Variants in GNS observed in about 807,000 individuals in gnomAD.
The protein encoded by GNS is N-acetylglucosamine-6-sulfatase.
A neutral mutation model predicts 69.7 loss-of-function variants in GNS; 40 were observed. The ratio of observed to expected loss-of-function variants is 0.57; its 90% CI spans 0.45 to 0.75. The LOEUF (loss-of-function observed/expected upper bound fraction) is 0.75, where lower values mean the gene tolerates loss of function less well. GNS is among the 30% of genes least tolerant of loss of function. The pLI is 0.00. For missense variants in GNS, 565 were observed against 685.5 expected (o/e 0.82, Z 1.96); for synonymous variants, 243 against 251.6 (o/e 0.97, Z 0.32).
At chr12:64,741,341 A>G (rs1000411804) in intron 6 of GNS, among the ~76,000 whole-genome samples, 2 of 151,822 alleles carry the variant, frequency 1.3e-5, no homozygotes, top group Admixed American at 6.6e-5. Context: ...GCTGGAGTAC[A>G]GTGGCACGAT....
chr12:64,744,067 T>C (rs1316838213), intron 5 of GNS, among the ~76,000 whole-genome samples: 1 of 152,218 alleles, frequency 6.6e-6, no homozygotes, highest in Non-Finnish European at 1.5e-5. Context: ...TACTATTCCC[T>C]GACTCTGTAG....
chr12:64,756,938 G>C (rs1870270031), intron 1 of GNS, among the ~76,000 whole-genome samples: 1 of 152,120 alleles, frequency 6.6e-6, no homozygotes, highest in Non-Finnish European at 1.5e-5. Context: ...AGGAGTTCAA[G>C]AGTTCAGGAG....
Position 64,743,932 on chromosome 12 carries a change from C to T in GNS, c.625-624G>A, listed in dbSNP as rs113309495. On this transcript the variant is annotated intron_variant, in intron 5 of 13. Transcript: ENST00000258145. The stretch of plus-strand genomic sequence containing the variant: ...TAGTTTCATGTATTCCCAACACTAA[C>T]TCAACAGATACTGACTGTATCTATC... Among the ~76,000 whole-genome samples the T allele has an allele frequency of 2.2e-4, 33 of 152,310 alleles. 2 individuals carry two copies. The highest frequency in any genetic ancestry group is 7.5e-4 in the African/African-American group (31 of 41,558).
intron 6 of GNS, among the ~76,000 whole-genome samples, chr12:64,741,199 T>C (rs1592502938): frequency 7.4e-5 from 1 of 13,528 alleles, no homozygotes; most frequent in Non-Finnish European, 1.1e-4. Context: ...AGAGCGAGAC[T>C]CCGTCTCAAA....
intron 3 of GNS, 29 bp downstream of exon 3, chr12:64,747,683 T>TA: frequency 8.5e-7 from 1 of 1,173,356 alleles, no homozygotes; most frequent in South Asian, 1.2e-5. Flanking sequence ...AAAGCCATTA[T>TA]AAAAAAAGAA....
At chr12:64,732,453 C>A (rs1869432966) in intron 9 of GNS, among the ~76,000 whole-genome samples, 1 of 149,018 alleles carries the variant, frequency 6.7e-6, no homozygotes, top group African/African-American at 2.5e-5. Flanking sequence ...CAGGTGTGAA[C>A]CACCGCGCCC....
At chr12:64,722,909 C>A in intron 11 of GNS, 97 bp downstream of exon 11, 2 of 788,370 alleles carry the variant, frequency 2.5e-6, no homozygotes, top group African/African-American at 1.7e-5. Flanking sequence ...AGGAACAGGA[C>A]TCAGATGAAA....
At chr12:64,731,823 C>T (rs1043809499) in intron 9 of GNS, among the ~76,000 whole-genome samples, 5 of 152,150 alleles carry the variant, frequency 3.3e-5, no homozygotes, top group African/African-American at 1.2e-4. Context: ...GTAATCCCAG[C>T]ACTTTGGGAG....
At chr12:64,729,572 A>T (rs1869318453) in intron 9 of GNS, among the ~76,000 whole-genome samples, 1 of 152,226 alleles carries the variant, frequency 6.6e-6, no homozygotes, top group South Asian at 2.1e-4. Context: ...ACAGGCTGTG[A>T]AGGCTGCAGA....
rs575740832 is a variant in GNS, at chr12:64,737,145, A to G, written c.995-38T>C. 3.5e-5 allele frequency: 36 copies of G among 1,038,546 alleles called. No individual in the cohort carries two copies. In the African/African-American group the frequency reaches 5.4e-4, roughly 16 times the overall value. The allele number at this position is 1,038,546 out of a possible 1,614,324, so 64.3% of individuals were successfully genotyped here. ...CACACAATGTAAAGATGGAGCCAAG[A>G]CAGGAGCCTTGCTCATGTTATGTTT... On this transcript the variant is annotated intron_variant, in intron 8 of 13. Transcript: ENST00000258145.
At chr12:64,725,751 C>T (rs539401206) in intron 10 of GNS, among the ~76,000 whole-genome samples, 145 of 151,960 alleles carry the variant, frequency 9.5e-4, no homozygotes, top group Admixed American at 4.3e-3. Flanking sequence ...AATCCCAGCA[C>T]TTTAGGAGGC....
rs770181525 is a variant in GNS, at chr12:64,720,118, A to G, written c.1484T>C (p.Ile495Thr). The G allele has an allele frequency of 5.6e-6, 9 of 1,605,940 alleles. No individual in the cohort carries two copies. The highest frequency in any genetic ancestry group is 7.7e-6 in the Non-Finnish European group (9 of 1,172,630). The change falls in exon 13 of 14, where the codon ATA (isoleucine) becomes ACA (threonine). Residue 495 changes from isoleucine (I) to threonine (T), a missense_variant. Ile to Thr is a moderately conservative substitution (Grantham distance 89). This residue lies in a region of GNS where 384 missense variants were observed against 511.0 expected (regional missense o/e 0.75). Transcript: ENST00000258145. ...CATCTTTCCTAAAAGCTCTGGGTCTATGGTTTTAGCAATGTTAGTGATCTG... is the reference window on the plus strand; with the variant it reads ...CATCTTTCCTAAAAGCTCTGGGTCTGTGGTTTTAGCAATGTTAGTGATCTG... ...PDQITNIAKT[I>T]DPELLGKMNY...
chr12:64,751,117 A>G (rs1870064012), intron 2 of GNS, among the ~76,000 whole-genome samples: 1 of 152,066 alleles, frequency 6.6e-6, no homozygotes, highest in African/African-American at 2.4e-5. Flanking sequence ...GGAGACTGAG[A>G]TGGAAGGATC....
chr12:64,721,787 T>C, intron 11 of GNS, 82 bp from the exon 12 acceptor site: 2 of 804,296 alleles, frequency 2.5e-6, no homozygotes, highest in South Asian at 2.7e-5. Context: ...GCAATCGGCT[T>C]GGCTCATGCC....
Position 64,744,963 on chromosome 12 carries a change from C to A in GNS, c.526-56G>T, listed in dbSNP as rs1869854050. 51 of 808,484 alleles carry A rather than the reference C, an allele frequency of 6.3e-5. 2 individuals are homozygous for A. In the South Asian group the frequency reaches 6.9e-4, roughly 11 times the overall value. 50.1% of individuals were successfully genotyped at this position (808,484 alleles called of 1,614,324 possible). A position where few individuals can be genotyped will look rare whatever the true frequency, so the allele number is the denominator to read the frequency against. The stretch of plus-strand genomic sequence containing the variant: ...TGAGGTCAGTGCACAAAGTGGAAGT[C>A]TGAATCCGTGCTGGGCTAAACTCTA... On this transcript the variant is annotated intron_variant, in intron 4 of 13. Transcript: ENST00000258145.
intron 9 of GNS, among the ~76,000 whole-genome samples, chr12:64,736,647 C>T (rs1869564440): frequency 6.6e-6 from 1 of 152,236 alleles, no homozygotes; most frequent in African/African-American, 2.4e-5. Context: ...CAATCATACT[C>T]TTTCTGGATA....
At chr12:64,757,602 T>G (rs1870294475) in intron 1 of GNS, among the ~76,000 whole-genome samples, 1 of 152,156 alleles carries the variant, frequency 6.6e-6, no homozygotes, top group Non-Finnish European at 1.5e-5. Flanking sequence ...GCAAGCCTCT[T>G]AAAACATCAG....
chr12:64,747,340 T>C lies in GNS; in HGVS notation c.459+372A>G, dbSNP rs189185551. Among the ~76,000 whole-genome samples the C allele has an allele frequency of 4.0e-3, 605 of 152,266 alleles. 2 individuals carry two copies. The highest frequency in any genetic ancestry group is 0.014 in the African/African-American group (576 of 41,544). On this transcript the variant is annotated intron_variant, in intron 3 of 13. Transcript: ENST00000258145. ...AAAAATATCTTCAGTTAGATACTGA[T>C]AACAAGGAATGGAAACAAAGATACC...
At chr12:64,756,758 A>T (rs758265118) in intron 1 of GNS, 220 of 1,488,984 alleles carry the variant, frequency 1.5e-4, no homozygotes, top group Middle Eastern at 1.7e-4. Flanking sequence ...ATATTCTGAA[A>T]AAGCCTAGAA....
Sources: allele counts gnomAD v4.1 joint callset (sites outside exome capture counted in the v4.1 genomes callset), GRCh38; gene constraint gnomAD v4.1.1; regional missense constraint gnomAD v4.1.1; transcripts MANE v1.5; gene names NCBI Gene and HGNC (gene_info 2026-07-23, HGNC 2026-07-21).